PHLDB3: variants seen among roughly 807,000 people sequenced by gnomAD.
PHLDB3 encodes the protein pleckstrin homology-like domain family B member 3.
PHLDB3 carries 86 observed loss-of-function variants against 85.7 expected under a neutral mutation model. The ratio of observed to expected loss-of-function variants is 1.00; its 90% CI spans 0.84 to 1.20. PHLDB3 has a LOEUF of 1.20. Among genes scored for constraint, PHLDB3 ranks in the 50% most tolerant of loss-of-function variants. The pLI is 0.00. For missense variants in PHLDB3, 995 were observed against 873.0 expected (o/e 1.14, Z -1.76); for synonymous variants, 376 against 349.8 (o/e 1.07, Z -0.83).
At chr19:43,478,810 G>T (rs1599931207) in intron 14 of PHLDB3, among the ~76,000 whole-genome samples, 1 of 152,176 alleles carries the variant, frequency 6.6e-6, no homozygotes. Context: ...GCCTATTCAG[G>T]AGGCTGAGGC....
At chr19:43,502,614 CTTT>C (rs71336869) in intron 2 of PHLDB3, among the ~76,000 whole-genome samples, 79 of 114,788 alleles carry the variant, frequency 6.9e-4, no homozygotes, top group Middle Eastern at 4.7e-3. Flanking sequence ...ACGCCAAGCT[CTTT>C]TTTTTTTTTT....
chr19:43,475,473 G>T lies in PHLDB3; in HGVS notation c.1860C>A (p.Pro620=), dbSNP rs1312999810. 1.2e-6 allele frequency: 2 copies of T among 1,613,388 alleles called. No individual in the cohort carries two copies. The highest frequency in any genetic ancestry group is 1.3e-5 in the African/African-American group (1 of 75,034). Residue 620 remains proline, a synonymous_variant, in exon 16 of 16, where the codon CCC becomes CCA. Coordinates refer to ENST00000292140, the MANE Select transcript of PHLDB3 (RefSeq NM_198850.4). The part of the protein sequence containing the change: ...ERLFYMVAPS[P]EAMRIWMDVI... ...CGTCCATCCAAATGCGCATGGCTTCGGGGCTCGGAGCCACCATGTAGAAAA... is the reference window on the plus strand; with the variant it reads ...CGTCCATCCAAATGCGCATGGCTTCTGGGCTCGGAGCCACCATGTAGAAAA...
At chr19:43,499,119 C>T (rs758886613) in intron 4 of PHLDB3, among the ~76,000 whole-genome samples, 1 of 149,974 alleles carries the variant, frequency 6.7e-6, no homozygotes, top group Non-Finnish European at 1.5e-5. Context: ...GAGGGTGAGA[C>T]CTAAGCTGGG....
rs752285896 is a variant in PHLDB3 at position 43,487,154 on chromosome 19, A to C, written c.1150-31T>G. On this transcript the variant is annotated intron_variant, in intron 9 of 15. Coordinates refer to ENST00000292140, the MANE Select transcript of PHLDB3 (RefSeq NM_198850.4). The stretch of plus-strand genomic sequence containing the variant: ...AACACAAAAGGCTCATGAGCATAGG[A>C]AAAAGGCTTGATCTCCAACCTAAGT... The C allele has an allele frequency of 2.1e-5, 33 of 1,541,644 alleles. 1 individual carries two copies. The African/African-American group carries it at 3.8e-4, about 18-fold the overall frequency.
intron 4 of PHLDB3, 59 bp from the exon 5 acceptor site, chr19:43,497,935 A>G (rs1453531358): frequency 7.7e-6 from 12 of 1,549,032 alleles, no homozygotes; most frequent in African/African-American, 1.4e-5. Context: ...AGCAGCAGCC[A>G]GCCATATCTC....
Position 43,487,012 on chromosome 19 carries a change from G to T in PHLDB3, c.1249+12C>A. On this transcript the variant is annotated intron_variant, in intron 10 of 15. Transcript: ENST00000292140. ...GATGTGGGAAGGAAGTGGGGAACAG[G>T]GGGATCCTCACCAGTACAATGGAAG... The T allele has an allele frequency of 6.5e-7, 1 of 1,536,176 alleles. No individual in the cohort carries two copies. Among genetic ancestry groups the T allele is most frequent in the East Asian group, 2.3e-5 (1 of 43,414 alleles).
intron 4 of PHLDB3, chr19:43,501,512 T>G (rs570855578): frequency 1.2e-6 from 1 of 854,330 alleles, no homozygotes; most frequent in South Asian, 1.8e-5. Flanking sequence ...ACACCCACAT[T>G]TAAATAGCAA....
chr19:43,479,493 T>C lies in PHLDB3; in HGVS notation c.1586A>G (p.Gln529Arg), dbSNP rs762828378. Residue 529 changes from glutamine to arginine, a missense_variant, in exon 14 of 16, where the codon CAG becomes CGG. Coordinates refer to ENST00000292140, the MANE Select transcript of PHLDB3 (RefSeq NM_198850.4). ...TCCACGGCAGCAGCACCCAGACACC[T>C]GCACATGTGGGCAGTTTTCCGGGTT... The part of the protein sequence containing the change: ...GHNPENCPHV[Q>R]VSGCCCRGPL... The C allele has an allele frequency of 6.5e-7, 1 of 1,546,708 alleles. No individual in the cohort carries two copies. The highest frequency in any genetic ancestry group is 1.2e-5 in the South Asian group (1 of 84,120).
rs771173008 is a variant in PHLDB3, at chr19:43,497,982, G to T, written c.535-106C>A. The stretch of plus-strand genomic sequence containing the variant: ...GGGGTGTCGGCTGTACAAAGGCAGG[G>T]ACTTCATCTATGTGATTCACTCCTG... On this transcript the variant is annotated intron_variant, in intron 4 of 15. Coordinates refer to ENST00000292140, the MANE Select transcript of PHLDB3 (RefSeq NM_198850.4). 6.2e-4 allele frequency: 905 copies of T among 1,452,736 alleles called. 2 individuals carry two copies. The highest frequency in any genetic ancestry group is 2.5e-3 in the South Asian group (177 of 71,388). 90.0% of individuals were successfully genotyped at this position (1,452,736 alleles called of 1,614,324 possible). A position where few individuals can be genotyped will look rare whatever the true frequency, so the allele number is the denominator to read the frequency against.
intron 2 of PHLDB3, among the ~76,000 whole-genome samples, chr19:43,503,421 G>A (rs368422373): frequency 6.6e-6 from 1 of 152,046 alleles, no homozygotes; most frequent in Non-Finnish European, 1.5e-5. Flanking sequence ...TCCTGCCTCA[G>A]CCTCCCGAGT....
In PHLDB3 at chr19:43,501,688, G is replaced by A. The variant is rs189651947; in HGVS notation, c.534+46C>T. On this transcript the variant is annotated intron_variant, in intron 4 of 15. Transcript: ENST00000292140. Reference sequence around the variant, plus strand: ...GGCTAGGAGCACACCAACATCCATGGACCAGGAAGGACACTGCTGATGAAG... The same window carrying A: ...GGCTAGGAGCACACCAACATCCATGAACCAGGAAGGACACTGCTGATGAAG... The A allele has an allele frequency of 1.3e-4, 207 of 1,564,604 alleles. 1 individual carries two copies. The Middle Eastern group carries it at 1.8e-3, about 14-fold the overall frequency.
At chr19:43,495,427 AG>A (rs1478560013) in intron 7 of PHLDB3, 67 bp downstream of exon 7, 1 of 1,599,670 alleles carries the variant, frequency 6.3e-7, no homozygotes, top group East Asian at 2.3e-5. Context: ...TCTGGGGTGC[AG>A]GGAGGTGGTG....
At position 43,486,790 on chromosome 19, in the gene PHLDB3, G is replaced by C. The variant is rs563295063; in HGVS notation, c.1330C>G (p.Arg444Gly). 3.1e-6 allele frequency: 5 copies of C among 1,601,614 alleles called. No individual in the cohort carries two copies. The highest frequency in any genetic ancestry group is 1.3e-5 in the African/African-American group (1 of 74,880). ...TCTCTGATGTCTCACCTATTCCCAC[G>C]GCCACAGTTCAGCAGCTGGTAGAGG... The part of the protein sequence containing the change: ...YPLYQLLNCG[R>G]GNSCGAIHPD... The change falls in exon 11 of 16, where the codon CGT becomes GGT. Residue 444 changes from arginine (R) to glycine (G), a missense_variant. Coordinates refer to ENST00000292140, the MANE Select transcript of PHLDB3 (RefSeq NM_198850.4).
At chr19:43,491,945 GTTTTT>G (rs35827061) in intron 9 of PHLDB3, among the ~76,000 whole-genome samples, 3 of 129,564 alleles carry the variant, frequency 2.3e-5, no homozygotes, top group Non-Finnish European at 4.7e-5. Flanking sequence ...GCACCTGGCC[GTTTTT>G]TTTTTTTTGT....
chr19:43,489,794 G>A (rs992573311), intron 9 of PHLDB3, among the ~76,000 whole-genome samples: 1 of 151,982 alleles, frequency 6.6e-6, no homozygotes, highest in Non-Finnish European at 1.5e-5. Context: ...ATCACCTGAG[G>A]TCAGGAGTTC....
intron 15 of PHLDB3, among the ~76,000 whole-genome samples, chr19:43,477,797 G>A (rs1970958429): frequency 6.8e-6 from 1 of 147,226 alleles, no homozygotes; most frequent in Admixed American, 6.7e-5. Flanking sequence ...GACAGAATGA[G>A]ACTCTGTCTT....
chr19:43,496,734 C>T (rs959762915), intron 6 of PHLDB3: 12 of 240,276 alleles, frequency 5.0e-5, no homozygotes, highest in Non-Finnish European at 8.7e-5. Flanking sequence ...GAACGTGTCA[C>T]TGCACTCCAG....
rs754374612 is a variant in PHLDB3, at chr19:43,504,132, C to A, written c.-14G>T. 1.3e-6 allele frequency: 2 copies of A among 1,578,046 alleles called. No homozygotes were observed. Among genetic ancestry groups the A allele is most frequent in the East Asian group, 4.7e-5 (2 of 42,818 alleles). ...TCGCGTCCCCATGGCCGCTGGGACT[C>A]CTGCGGGGTGGGCGGGACCAGAAGC... On this transcript the variant is annotated splice_region_variant and 5_prime_UTR_variant, in exon 2 of 16. Coordinates refer to ENST00000292140, the MANE Select transcript of PHLDB3 (RefSeq NM_198850.4).
chr19:43,480,486 G>A (rs1242706644), intron 13 of PHLDB3, among the ~76,000 whole-genome samples: 1 of 151,996 alleles, frequency 6.6e-6, no homozygotes, highest in African/African-American at 2.4e-5. Flanking sequence ...CAGCTACTAA[G>A]GAGGCTGAGC....
Sources: allele counts gnomAD v4.1 joint callset (sites outside exome capture counted in the v4.1 genomes callset), GRCh38; gene constraint gnomAD v4.1.1; transcripts MANE v1.5; gene names NCBI Gene and HGNC (gene_info 2026-07-23, HGNC 2026-07-21).